SHLD1: variants seen among roughly 807,000 people sequenced by gnomAD.
SHLD1 encodes shieldin complex subunit 1, also known as RINN1-REV7-interacting novel NHEJ regulator 3.
In SHLD1, 3 loss-of-function variants were observed where a neutral mutation model predicts 5.5. That is an observed-to-expected ratio of 0.54 (90% CI 0.25 to 1.40). The LOEUF (loss-of-function observed/expected upper bound fraction) is 1.40. Among genes scored for constraint, SHLD1 ranks in the 40% most tolerant of loss-of-function variants. The probability of loss-of-function intolerance (pLI) is 0.15; values close to 1 mark genes in which losing one functional copy is unlikely to be tolerated. For missense variants in SHLD1, 210 were observed against 244.4 expected (o/e 0.86, Z 0.94); for synonymous variants, 92 against 94.3 (o/e 0.98, Z 0.14).
At chr20:5,753,870 T>C (rs1418015868) in intron 1 of SHLD1, among the ~76,000 whole-genome samples, 2 of 152,202 alleles carry the variant, frequency 1.3e-5, no homozygotes, top group Admixed American at 6.6e-5. Context: ...GGGAGATCCG[T>C]TCGGAACCCC....
chr20:5,779,970 C>CTT (rs1985612910), intron 2 of SHLD1, among the ~76,000 whole-genome samples: 3 of 115,564 alleles, frequency 2.6e-5, no homozygotes, highest in Admixed American at 9.2e-5. Flanking sequence ...TTTACAATTT[C>CTT]TGTTTTTTTT....
At chr20:5,829,639 G>A (rs138097206) in intron 2 of SHLD1, among the ~76,000 whole-genome samples, 1 of 152,296 alleles carries the variant, frequency 6.6e-6, no homozygotes, top group Non-Finnish European at 1.5e-5. Flanking sequence ...CCTCTTTTCG[G>A]CCTTAATAAC....
intron 2 of SHLD1, among the ~76,000 whole-genome samples, chr20:5,818,652 T>A (rs1417213265): frequency 1.3e-5 from 2 of 152,140 alleles, no homozygotes; most frequent in Admixed American, 6.5e-5. Context: ...CAAATTTGTC[T>A]CCCCAAATGG....
intron 2 of SHLD1, among the ~76,000 whole-genome samples, chr20:5,835,185 G>C (rs1387772333): frequency 6.6e-6 from 1 of 152,178 alleles, no homozygotes; most frequent in Non-Finnish European, 1.5e-5. Context: ...CTGGCTAGGG[G>C]TTGAGCTGGG....
chr20:5,756,683 TTC>T (rs1442896971), intron 1 of SHLD1: 1 of 174,048 alleles, frequency 5.7e-6, no homozygotes, highest in African/African-American at 2.5e-5. Flanking sequence ...TTTTCTTTCT[TTC>T]TTTCTTTTTT....
At chr20:5,761,179 T>G (rs1037983188) in intron 1 of SHLD1, among the ~76,000 whole-genome samples, 2 of 151,924 alleles carry the variant, frequency 1.3e-5, no homozygotes, top group Admixed American at 1.3e-4. Context: ...CACCACATGT[T>G]CTCACTCATA....
intron 2 of SHLD1, among the ~76,000 whole-genome samples, chr20:5,817,422 CTCTCTCTCTCTG>C (rs1430938462): frequency 6.8e-5 from 9 of 131,702 alleles, no homozygotes; most frequent in African/African-American, 2.1e-4. Context: ...CTCTCTCTCT[CTCTCTCTCTCTG>C]TGTGTGTGTG....
At chr20:5,856,049 T>C (rs2088079401) in intron 2 of SHLD1, among the ~76,000 whole-genome samples, 1 of 152,236 alleles carries the variant, frequency 6.6e-6, no homozygotes, top group East Asian at 1.9e-4. Context: ...TCTACTTGTA[T>C]ATGTGTATAC....
intron 2 of SHLD1, among the ~76,000 whole-genome samples, chr20:5,816,448 G>A (rs1165941481): frequency 6.6e-6 from 1 of 152,152 alleles, no homozygotes; most frequent in Non-Finnish European, 1.5e-5. Context: ...AATAAATTTG[G>A]GTGCATGAGA....
intron 2 of SHLD1, among the ~76,000 whole-genome samples, chr20:5,777,738 C>T (rs1985497343): frequency 6.6e-6 from 1 of 151,690 alleles, no homozygotes; most frequent in South Asian, 2.1e-4. Context: ...CAGCTAAAAT[C>T]ACATTGTTAT....
intron 2 of SHLD1, among the ~76,000 whole-genome samples, chr20:5,857,766 G>A (rs985651013): frequency 4.6e-5 from 7 of 151,752 alleles, no homozygotes; most frequent in Non-Finnish European, 8.8e-5. Flanking sequence ...GCTGTGTTGC[G>A]CCATGGCACT....
At chr20:5,829,312 T>G (rs1399036188) in intron 2 of SHLD1, among the ~76,000 whole-genome samples, 1 of 152,262 alleles carries the variant, frequency 6.6e-6, no homozygotes, top group African/African-American at 2.4e-5. Flanking sequence ...ATTTAAGCCC[T>G]ACTATTACTC....
chr20:5,768,067 C>T (rs1231605832), intron 1 of SHLD1, among the ~76,000 whole-genome samples: 8 of 149,408 alleles, frequency 5.4e-5, no homozygotes, highest in South Asian at 2.1e-4. Context: ...CTCTGCCTCC[C>T]GGGTTCAAGC....
intron 1 of SHLD1, among the ~76,000 whole-genome samples, chr20:5,766,895 A>G (rs1984860594): frequency 6.6e-6 from 1 of 151,990 alleles, no homozygotes; most frequent in Admixed American, 6.6e-5. Context: ...TTGAGCCACC[A>G]TGCCCAGTCT....
intron 2 of SHLD1, among the ~76,000 whole-genome samples, chr20:5,833,894 C>G (rs1216474215): frequency 1.3e-5 from 2 of 152,140 alleles, no homozygotes; most frequent in Non-Finnish European, 2.9e-5. Flanking sequence ...TCCATTTGCT[C>G]TAACGCTTAG....
In SHLD1 at chr20:5,752,593, T is replaced by C. The variant is rs2049550570; in HGVS notation, c.-5+2114T>C. ...AGCTTTGTAGGGCCATTTTAAAATA[T>C]GTCAAAGAAATATATTTTGGGGTTT... On this transcript the variant is annotated intron_variant, in intron 1 of 2. Transcript: ENST00000303142. Among the ~76,000 whole-genome samples, 2 of 150,778 alleles carry C rather than the reference T, an allele frequency of 1.3e-5. 1 individual carries two copies. The highest frequency in any genetic ancestry group is 4.2e-4 in the South Asian group (2 of 4,790).
At chr20:5,854,910 C>T (rs981967511) in intron 2 of SHLD1, among the ~76,000 whole-genome samples, 4 of 137,204 alleles carry the variant, frequency 2.9e-5, no homozygotes, top group African/African-American at 8.8e-5. Context: ...TGCAGTCACC[C>T]AGGCTGGAGT....
intron 2 of SHLD1, among the ~76,000 whole-genome samples, chr20:5,796,351 G>T (rs868412305): frequency 6.6e-6 from 1 of 152,138 alleles, no homozygotes; most frequent in African/African-American, 2.4e-5. Context: ...AAAAGGCATA[G>T]AAAAATCATA....
intron 2 of SHLD1, among the ~76,000 whole-genome samples, chr20:5,824,085 C>T (rs2087638754): frequency 6.6e-6 from 1 of 152,234 alleles, no homozygotes; most frequent in South Asian, 2.1e-4. Context: ...GCTCCATCAG[C>T]TCTCTGGGCC....
Sources: gnomAD v4.1 joint callset for allele counts (sites outside exome capture counted in the v4.1 genomes callset) on GRCh38, gnomAD v4.1.1 for gene constraint, MANE v1.5 for transcripts, NCBI Gene and HGNC (gene_info 2026-07-23, HGNC 2026-07-21) for gene names.